Variants in RABGAP1L observed in about 807,000 individuals in gnomAD.
RABGAP1L encodes the protein RAB GTPase activating protein 1 like.
In RABGAP1L, 63 loss-of-function variants were observed where a neutral mutation model predicts 137.7. The observed-to-expected ratio is 0.46, with a 90% CI of 0.37 to 0.56. The LOEUF (loss-of-function observed/expected upper bound fraction) is 0.56, where lower values mean the gene tolerates loss of function less well. Ranked by LOEUF, RABGAP1L falls within the 20% of genes least tolerant of loss-of-function variation. The probability of loss-of-function intolerance (pLI) is 0.00; values close to 1 mark genes in which losing one functional copy is unlikely to be tolerated. For synonymous variants in RABGAP1L, 431 were observed against 433.7 expected (o/e 0.99, Z 0.08); for missense variants, 1,095 against 1,244.0 (o/e 0.88, Z 1.80).
At chr1:174,767,368 A>T (rs1188858204) in intron 18 of RABGAP1L, among the ~76,000 whole-genome samples, 2 of 152,106 alleles carry the variant, frequency 1.3e-5, no homozygotes, top group Admixed American at 1.3e-4. Flanking sequence ...ATTTTTTTTG[A>T]TGATACTTTG....
intron 1 of RABGAP1L, among the ~76,000 whole-genome samples, chr1:174,171,056 A>G (rs1258945158): frequency 6.6e-6 from 1 of 152,224 alleles, no homozygotes; most frequent in East Asian, 1.9e-4. Flanking sequence ...AGAGGAATGC[A>G]GAAATGTAGG....
At chr1:174,597,570 T>C (rs1404907932) in intron 13 of RABGAP1L, among the ~76,000 whole-genome samples, 1 of 152,082 alleles carries the variant, frequency 6.6e-6, no homozygotes, top group East Asian at 1.9e-4. Context: ...TTTTTTAATC[T>C]CTGATTTTAT....
chr1:174,444,009 T>C (rs1210370877), intron 13 of RABGAP1L, among the ~76,000 whole-genome samples: 1 of 151,812 alleles, frequency 6.6e-6, no homozygotes, highest in Non-Finnish European at 1.5e-5. Flanking sequence ...GATTTATTTC[T>C]GGTTTCTCTG....
At chr1:174,805,172 C>T (rs1217654353) in intron 18 of RABGAP1L, among the ~76,000 whole-genome samples, 4 of 152,100 alleles carry the variant, frequency 2.6e-5, no homozygotes, top group East Asian at 1.9e-4. Flanking sequence ...AAATTTATGT[C>T]GATATCTATT....
intron 18 of RABGAP1L, among the ~76,000 whole-genome samples, chr1:174,760,898 A>AATTTAG (rs1276732352): frequency 1.3e-5 from 2 of 152,204 alleles, no homozygotes; most frequent in Non-Finnish European, 2.9e-5. Flanking sequence ...ATATTTAGTA[A>AATTTAG]ACACCTATTT....
intron 1 of RABGAP1L, among the ~76,000 whole-genome samples, chr1:174,195,637 CTTCCTTCCTTCCTTCCT>C (rs1386489466): frequency 2.4e-5 from 2 of 83,730 alleles, no homozygotes; most frequent in South Asian, 4.3e-4. Context: ...TCCTTCCTTC[CTTCCTTCCTTCCTTCCT>C]TTCCTTTCCT....
chr1:174,733,330 A>C (rs1047125980), intron 17 of RABGAP1L, among the ~76,000 whole-genome samples: 37 of 152,214 alleles, frequency 2.4e-4, no homozygotes, highest in African/African-American at 8.7e-4. Context: ...TTCATCCCTC[A>C]CATGCACTTT....
intron 19 of RABGAP1L, among the ~76,000 whole-genome samples, chr1:174,942,470 T>C (rs2149295913): frequency 6.6e-6 from 1 of 152,288 alleles, no homozygotes; most frequent in South Asian, 2.1e-4. Context: ...GATGATAGTA[T>C]AGTATAATAG....
intron 11 of RABGAP1L, among the ~76,000 whole-genome samples, chr1:174,310,498 T>TATTCTGTCTGG (rs1678724995): frequency 6.6e-6 from 1 of 152,184 alleles, no homozygotes; most frequent in African/African-American, 2.4e-5. Flanking sequence ...CCTTTATTGA[T>TATTCTGTCTGG]ATTCTGTCTG....
At chr1:174,463,628 T>A (rs1056372218) in intron 13 of RABGAP1L, among the ~76,000 whole-genome samples, 1 of 152,054 alleles carries the variant, frequency 6.6e-6, no homozygotes, top group African/African-American at 2.4e-5. Context: ...AACCTGTACA[T>A]TGTGCACATG....
At position 174,702,161 on chromosome 1, in the gene RABGAP1L, G is replaced by A; in HGVS notation, c.2074G>A (p.Ala692Thr). ...CCATTTTTCTGATCTGAACCTGGAAGCTCATATGTATGCATCCCAGTGGTT... is the reference window on the plus strand; with the variant it reads ...CCATTTTTCTGATCTGAACCTGGAAACTCATATGTATGCATCCCAGTGGTT... ...HSHFSDLNLE[A>T]HMYASQWFLT... Residue 692 changes from alanine (A) to threonine (T), a missense_variant, in exon 17 of 26, where the codon GCT becomes ACT. Around this residue, in one of 4 missense-constraint regions of RABGAP1L, gnomAD observed 312 missense variants for 435.6 expected, o/e 0.72. Coordinates refer to ENST00000681986, the MANE Select transcript of RABGAP1L (RefSeq NM_001366446.1). 2 of 1,612,034 alleles carry A rather than the reference G, an allele frequency of 1.2e-6. No homozygotes were observed. Among genetic ancestry groups the A allele is most frequent in the Non-Finnish European group, 1.7e-6 (2 of 1,179,062 alleles).
chr1:174,301,570 A>C (rs1677710736), intron 10 of RABGAP1L, among the ~76,000 whole-genome samples: 1 of 151,794 alleles, frequency 6.6e-6, no homozygotes, highest in South Asian at 2.1e-4. Context: ...ATGACCAAGA[A>C]GAATAGGATC....
chr1:174,545,171 G>A (rs996950146), intron 13 of RABGAP1L: 1 of 152,442 alleles, frequency 6.6e-6, no homozygotes, highest in African/African-American at 2.4e-5. Context: ...AGTTTCTGCT[G>A]CCGTTTGTTC....
At chr1:174,220,876 A>T (rs1368021961) in intron 2 of RABGAP1L, 96 bp from the exon 3 acceptor site, 49 of 1,060,966 alleles carry the variant, frequency 4.6e-5, no homozygotes, top group Non-Finnish European at 6.1e-5. Flanking sequence ...AAATATTTAG[A>T]TTGTTTTAAT....
chr1:174,723,384 G>C (rs1255878185), intron 17 of RABGAP1L, among the ~76,000 whole-genome samples: 1 of 152,152 alleles, frequency 6.6e-6, no homozygotes, highest in Admixed American at 6.5e-5. Flanking sequence ...CAAAATTTTT[G>C]TAAGTCAAAA....
At chr1:174,526,449 C>A (rs1663881576) in intron 13 of RABGAP1L, among the ~76,000 whole-genome samples, 1 of 152,116 alleles carries the variant, frequency 6.6e-6, no homozygotes, top group Non-Finnish European at 1.5e-5. Context: ...TAGAACTCAG[C>A]AGTGAATCTC....
intron 3 of RABGAP1L, 109 bp downstream of exon 3, chr1:174,221,273 CTTG>C: frequency 1.1e-6 from 1 of 897,394 alleles, no homozygotes; most frequent in Non-Finnish European, 1.6e-6. Flanking sequence ...GCTTTCAGTT[CTTG>C]TTGAGAGTTT....
intron 13 of RABGAP1L, among the ~76,000 whole-genome samples, chr1:174,429,546 C>A (rs1300738177): frequency 6.6e-6 from 1 of 151,964 alleles, no homozygotes; most frequent in East Asian, 1.9e-4. Flanking sequence ...TCGAGCCCAG[C>A]CTGGCAACAT....
intron 13 of RABGAP1L, among the ~76,000 whole-genome samples, chr1:174,536,991 A>G (rs1187216123): frequency 6.6e-6 from 1 of 152,212 alleles, no homozygotes; most frequent in Non-Finnish European, 1.5e-5. Flanking sequence ...ATAAGTAGAT[A>G]CTGACAATTT....
Sources: allele counts gnomAD v4.1 joint callset (sites outside exome capture counted in the v4.1 genomes callset), GRCh38; gene constraint gnomAD v4.1.1; regional missense constraint gnomAD v4.1.1; transcripts MANE v1.5; gene names NCBI Gene and HGNC (gene_info 2026-07-23, HGNC 2026-07-21).